TENM3: variants seen among roughly 807,000 people sequenced by gnomAD.
The protein encoded by TENM3 is teneurin transmembrane protein 3.
TENM3 carries 63 observed loss-of-function variants against 255.1 expected under a neutral mutation model. The observed-to-expected ratio is 0.25, with a 90% CI of 0.20 to 0.30. The LOEUF is 0.30. Among genes scored for constraint, TENM3 ranks in the 10% least tolerant of loss-of-function variants. The pLI, the probability that TENM3 is intolerant of heterozygous loss-of-function variation, is 1.00. For missense variants in TENM3, 2,929 were observed against 3,461.1 expected, an observed-to-expected ratio of 0.85 and a Z score of 3.86; for synonymous variants, 1,306 against 1,322.3, an observed-to-expected ratio of 0.99 and a Z score of 0.27.
intron 3 of TENM3, among the ~76,000 whole-genome samples, chr4:182,525,627 C>T (rs973238030): frequency 7.9e-5 from 12 of 152,338 alleles, no homozygotes; most frequent in Middle Eastern, 6.8e-3. Flanking sequence ...ACACCCGTCC[C>T]TCTGACATCT....
At chr4:182,176,736 C>G (rs1430642795) in intron 1 of TENM3, among the ~76,000 whole-genome samples, 2 of 151,140 alleles carry the variant, frequency 1.3e-5, no homozygotes, top group Non-Finnish European at 2.9e-5. Context: ...GGCGTGATCT[C>G]GGCTCACTGC....
At chr4:182,332,566 CG>C (rs1763834919) in intron 2 of TENM3, among the ~76,000 whole-genome samples, 1 of 151,868 alleles carries the variant, frequency 6.6e-6, no homozygotes, top group African/African-American at 2.4e-5. Context: ...TGGTGGTGGG[CG>C]CCTGTAATCC....
the TENM3 span, among the ~76,000 whole-genome samples, chr4:182,077,608 T>C: frequency 6.6e-6 from 1 of 152,172 alleles, no homozygotes; most frequent in African/African-American, 2.4e-5. Context: ...GAGGAAGTAA[T>C]GCTTGAATCA....
At chr4:181,517,269 A>T in the TENM3 span, among the ~76,000 whole-genome samples, 1 of 152,166 alleles carries the variant, frequency 6.6e-6, no homozygotes, top group East Asian at 1.9e-4. Context: ...TGAGGAACTG[A>T]CATTATCTGA....
chr4:181,559,389 T>G, the TENM3 span, among the ~76,000 whole-genome samples: 1 of 152,202 alleles, frequency 6.6e-6, no homozygotes, highest in Non-Finnish European at 1.5e-5. Flanking sequence ...TGTAATTTTC[T>G]ATGAGATTTT....
the TENM3 span, among the ~76,000 whole-genome samples, chr4:181,838,256 T>C: frequency 6.6e-6 from 1 of 152,374 alleles, no homozygotes; most frequent in East Asian, 1.9e-4. Flanking sequence ...TTTCTATATG[T>C]TACTGGATCT....
the TENM3 span, among the ~76,000 whole-genome samples, chr4:181,507,378 C>A: frequency 6.6e-6 from 1 of 152,208 alleles, no homozygotes; most frequent in African/African-American, 2.4e-5. Flanking sequence ...ATCACACCAA[C>A]CAATGGCACA....
At chr4:181,784,684 A>G in the TENM3 span, among the ~76,000 whole-genome samples, 10 of 152,302 alleles carry the variant, frequency 6.6e-5, no homozygotes, top group East Asian at 1.2e-3. Flanking sequence ...CTCATTTCAG[A>G]TAAACGCTTT....
the TENM3 span, among the ~76,000 whole-genome samples, chr4:182,118,355 T>C: frequency 1.3e-5 from 2 of 152,234 alleles, no homozygotes; most frequent in Admixed American, 1.3e-4. Flanking sequence ...AGCCTGGCTT[T>C]GTTCCTGATC....
At chr4:182,079,102 T>C in the TENM3 span, among the ~76,000 whole-genome samples, 1 of 152,126 alleles carries the variant, frequency 6.6e-6, no homozygotes, top group African/African-American at 2.4e-5. Context: ...TGAGTAATAA[T>C]TTGTGCTTTT....
intron 11 of TENM3, among the ~76,000 whole-genome samples, chr4:182,682,715 T>C (rs1331408597): frequency 3.9e-5 from 6 of 152,176 alleles, no homozygotes; most frequent in Non-Finnish European, 7.4e-5. Context: ...ATAAACATTT[T>C]ACAAAGTGAT....
intron 1 of TENM3, among the ~76,000 whole-genome samples, chr4:182,298,252 C>G (rs1580069864): frequency 6.6e-6 from 1 of 152,328 alleles, no homozygotes; most frequent in Admixed American, 6.5e-5. Flanking sequence ...CCTTCCAGCC[C>G]TAGCACCTCG....
At chr4:181,783,295 C>G in the TENM3 span, among the ~76,000 whole-genome samples, 2 of 152,108 alleles carry the variant, frequency 1.3e-5, no homozygotes, top group African/African-American at 2.4e-5. Context: ...CTTTATGAAT[C>G]TGGGTGCTCC....
At chr4:181,787,400 G>A in the TENM3 span, among the ~76,000 whole-genome samples, 86 of 150,566 alleles carry the variant, frequency 5.7e-4, no homozygotes, top group Non-Finnish European at 9.3e-4. Context: ...GGGCAATGGC[G>A]CCATCTCAGC....
chr4:181,565,226 C>A, the TENM3 span, among the ~76,000 whole-genome samples: 1 of 152,276 alleles, frequency 6.6e-6, no homozygotes, highest in East Asian at 1.9e-4. Context: ...CATCAGAGGG[C>A]AAACTGCAGG....
At chr4:182,066,893 A>C in the TENM3 span, among the ~76,000 whole-genome samples, 3 of 152,198 alleles carry the variant, frequency 2.0e-5, no homozygotes, top group Non-Finnish European at 4.4e-5. Context: ...CCTGGGCGAC[A>C]GAGCGAGACT....
chr4:182,304,040 A>G (rs1296021100), intron 1 of TENM3, among the ~76,000 whole-genome samples: 1 of 152,052 alleles, frequency 6.6e-6, no homozygotes, highest in African/African-American at 2.4e-5. Flanking sequence ...TTAGAATAGC[A>G]TTTTTGCTAG....
At chr4:181,699,470 A>AAAAAAAAAAAAAAAAAAAAAAAAAAAAAC in the TENM3 span, among the ~76,000 whole-genome samples, 1 of 143,502 alleles carries the variant, frequency 7.0e-6, no homozygotes, top group Non-Finnish European at 1.5e-5. Context: ...AAAAAAAAAA[A>AAAAAAAAAAAAAAAAAAAAAAAAAAAAAC]AAGAAAGAAA....
At chr4:182,700,590 G>T (rs920304668) in intron 12 of TENM3, among the ~76,000 whole-genome samples, 1 of 152,178 alleles carries the variant, frequency 6.6e-6, no homozygotes, top group African/African-American at 2.4e-5. Context: ...CTTTAATGAA[G>T]CTGGAACCCA....
Sources: allele counts gnomAD v4.1 joint callset (sites outside exome capture counted in the v4.1 genomes callset), GRCh38; gene constraint gnomAD v4.1.1; transcripts MANE v1.5; gene names NCBI Gene and HGNC (gene_info 2026-07-23, HGNC 2026-07-21).